RTRAF: variants seen among roughly 807,000 people sequenced by gnomAD.
RTRAF encodes the protein tRNA-splicing ligase complex subunit RTRAF.
In RTRAF, 14 loss-of-function variants were observed where a neutral mutation model predicts 34.4. The observed-to-expected ratio is 0.41, with a 90% CI of 0.27 to 0.64. RTRAF has a LOEUF of 0.64. Ranked by LOEUF, RTRAF falls within the 30% of genes least tolerant of loss-of-function variation. The pLI is 0.34. For missense variants in RTRAF, 291 were observed against 288.4 expected, an observed-to-expected ratio of 1.01 and a Z score of -0.06; for synonymous variants, 96 against 95.3, an observed-to-expected ratio of 1.01 and a Z score of -0.04.
At chr14:51,995,504 A>G (rs1167106682) in intron 3 of RTRAF, among the ~76,000 whole-genome samples, 1 of 152,052 alleles carries the variant, frequency 6.6e-6, no homozygotes, top group African/African-American at 2.4e-5. Context: ...TAATTTTATC[A>G]TATTTGCAAA....
At position 52,010,579 on chromosome 14, in the gene RTRAF, C is replaced by T; in HGVS notation, c.*6063C>T. 1 of 232,666 alleles carries T rather than the reference C, an allele frequency of 4.3e-6. No individual in the cohort carries two copies. The highest frequency in any genetic ancestry group is 8.7e-5 in the East Asian group (1 of 11,518). 14.4% of individuals were successfully genotyped at this position (232,666 alleles called of 1,614,324 possible). ...TGAGGCCTCGCCTGATCATTTGATTCAGAGTAGCCCTAGTTCTCACAACAC... is the reference window on the plus strand; with the variant it reads ...TGAGGCCTCGCCTGATCATTTGATTTAGAGTAGCCCTAGTTCTCACAACAC... On this transcript the variant is annotated 3_prime_UTR_variant, in exon 8 of 8. Coordinates refer to ENST00000261700, the MANE Select transcript of RTRAF (RefSeq NM_016039.3).
chr14:52,008,168 C>T lies in RTRAF; in HGVS notation c.*3652C>T, dbSNP rs530414326. 11 of 458,076 alleles carry T rather than the reference C, an allele frequency of 2.4e-5. No homozygotes were observed. Among genetic ancestry groups the T allele is most frequent in the African/African-American group, 4.0e-5 (2 of 49,678 alleles). The allele number at this position is 458,076 out of a possible 1,614,324, so 28.4% of individuals were successfully genotyped here. On this transcript the variant is annotated 3_prime_UTR_variant, in exon 8 of 8. Coordinates refer to ENST00000261700, the MANE Select transcript of RTRAF (RefSeq NM_016039.3). ...GTGATAGGCTATCACTGCCGATATT[C>T]GGTCTCAAAAAACTGGTTTCTGCCT... is the stretch of plus-strand genomic sequence containing the variant.
rs1232018852 is a variant in RTRAF, at chr14:52,010,247, G to T, written c.*5731G>T. 6.6e-6 allele frequency: 1 copy of T among 152,196 alleles called. No homozygotes were observed. Among genetic ancestry groups the T allele is most frequent in the African/African-American group, 2.4e-5 (1 of 41,450 alleles). 9.4% of individuals were successfully genotyped at this position (152,196 alleles called of 1,614,324 possible). On this transcript the variant is annotated 3_prime_UTR_variant, in exon 8 of 8. Coordinates refer to ENST00000261700, the MANE Select transcript of RTRAF (RefSeq NM_016039.3). ...TTCTTTACTGATTTGAAGGGCATCT[G>T]GGAATTTCATTTCGTAGAAACTCCA...
In RTRAF at chr14:52,004,826, A is replaced by ATTGGAGTAATCT. The variant is rs1442878701; in HGVS notation, c.*311_*322dup. 1 of 217,630 alleles carries ATTGGAGTAATCT rather than the reference A, an allele frequency of 4.6e-6. No homozygotes were observed. The highest frequency in any genetic ancestry group is 9.6e-5 in the East Asian group (1 of 10,402). 13.5% of individuals were successfully genotyped at this position (217,630 alleles called of 1,614,324 possible). ...GTCATAGGAAAACTTAAAACACTTTATTGGAGTAATCTAGAAAATTTTAAA... is the reference window on the plus strand; with the variant it reads ...GTCATAGGAAAACTTAAAACACTTTATTGGAGTAATCTTTGGAGTAATCTAGAAAATTTTAAA... On this transcript the variant is annotated 3_prime_UTR_variant, in exon 8 of 8. Transcript: ENST00000261700.
In RTRAF at chr14:52,008,618, A is replaced by G. The variant is rs1326485677; in HGVS notation, c.*4102A>G. On this transcript the variant is annotated 3_prime_UTR_variant, in exon 8 of 8. Coordinates refer to ENST00000261700, the MANE Select transcript of RTRAF (RefSeq NM_016039.3). ...TCACTATGTGGGAGAAGTCATTACT[A>G]AGTTACTATCAGAATCCCTGCCTCC... The G allele has an allele frequency of 6.6e-6, 1 of 152,210 alleles. No homozygotes were observed. Among genetic ancestry groups the G allele is most frequent in the Non-Finnish European group, 1.5e-5 (1 of 68,044 alleles). The allele number at this position is 152,210 out of a possible 1,614,324, so 9.4% of individuals were successfully genotyped here.
chr14:51,998,590 T>C lies in RTRAF; in HGVS notation c.373+10T>C, dbSNP rs1368444898. On this transcript the variant is annotated intron_variant, in intron 4 of 7. Coordinates refer to ENST00000261700, the MANE Select transcript of RTRAF (RefSeq NM_016039.3). Reference sequence around the variant, plus strand: ...TTGATCAATTTGGATGGTGAGTATATAAATGCATAACATTGAACATCAACA... The same window carrying C: ...TTGATCAATTTGGATGGTGAGTATACAAATGCATAACATTGAACATCAACA... 2 of 1,540,672 alleles carry C rather than the reference T, an allele frequency of 1.3e-6. No homozygotes were observed. The highest frequency in any genetic ancestry group is 1.9e-5 in the Admixed American group (1 of 52,608).
intron 5 of RTRAF, among the ~76,000 whole-genome samples, chr14:52,001,399 C>CA (rs143139486): frequency 6.6e-6 from 1 of 152,084 alleles, no homozygotes; most frequent in East Asian, 1.9e-4. Flanking sequence ...CCCTTTGTGT[C>CA]AAAAATGTGT....
At position 52,005,925 on chromosome 14, in the gene RTRAF, A is replaced by G; in HGVS notation, c.*1409A>G. 1 of 1,134,576 alleles carries G rather than the reference A, an allele frequency of 8.8e-7. No homozygotes were observed. The highest frequency in any genetic ancestry group is 1.8e-5 in the Admixed American group (1 of 56,734). 70.3% of individuals were successfully genotyped at this position (1,134,576 alleles called of 1,614,324 possible). ...AGAAGTCAGTCAGCCACAGAAAATC[A>G]GTTGCAATAGAGGAAAATTTCTGGC... On this transcript the variant is annotated 3_prime_UTR_variant, in exon 8 of 8. Transcript: ENST00000261700.
At chr14:51,991,257 C>G in intron 1 of RTRAF, 60 bp from the exon 2 acceptor site, 1 of 1,522,272 alleles carries the variant, frequency 6.6e-7, no homozygotes, top group Non-Finnish European at 9.0e-7. Flanking sequence ...GAACATATAC[C>G]TGAGAAGGAG....
Position 51,998,573 on chromosome 14 carries a change from T to A in RTRAF, c.366T>A (p.Asn122Lys). Residue 122 changes from asparagine (N) to lysine (K), a missense_variant, in exon 4 of 8, where the codon AAT becomes AAA. By Grantham distance (94) the Asn-to-Lys change is moderately conservative. Transcript: ENST00000261700. ...CTAAAAATGCAGAACCATTGATCAA[T>A]TTGGATGGTGAGTATATAAATGCAT... ...NATKNAEPLINLDVNNPDFKA... is the reference protein window; with the variant it reads ...NATKNAEPLIKLDVNNPDFKA... The A allele has an allele frequency of 6.3e-7, 1 of 1,587,356 alleles. No individual in the cohort carries two copies.
chr14:52,005,404 A>C lies in RTRAF; in HGVS notation c.*888A>C. The C allele has an allele frequency of 7.4e-7, 1 of 1,358,302 alleles. No individual in the cohort carries two copies. The highest frequency in any genetic ancestry group is 9.8e-7 in the Non-Finnish European group (1 of 1,016,676). 84.1% of individuals were successfully genotyped at this position (1,358,302 alleles called of 1,614,324 possible). ...ACGTCTAATGGCCAATTCCTTTTTT[A>C]CTTTCTTTGCCTTTGCAGTCACTGT... On this transcript the variant is annotated 3_prime_UTR_variant, in exon 8 of 8. Coordinates refer to ENST00000261700, the MANE Select transcript of RTRAF (RefSeq NM_016039.3).
chr14:52,003,914 A>C, intron 6 of RTRAF: 1 of 381,028 alleles, frequency 2.6e-6, no homozygotes, highest in Non-Finnish European at 4.7e-6. Flanking sequence ...CTGCTGCAAT[A>C]AGGATATATT....
rs766858321 is a variant in RTRAF, at chr14:51,998,519, T to C, written c.312T>C (p.Pro104=). 1 of 1,588,238 alleles carries C rather than the reference T, an allele frequency of 6.3e-7. No homozygotes were observed. The highest frequency in any genetic ancestry group is 1.1e-5 in the South Asian group (1 of 87,610). ...CTGAAAAATACAAGGATTTAGTACC[T>C]GATAATTCAAAAACTGCTGACAATG... ...DNAEKYKDLV[P]DNSKTADNAT... is the part of the protein sequence containing the mutation. Residue 104 remains proline, a synonymous_variant, in exon 4 of 8, where the codon CCT becomes CCC. Transcript: ENST00000261700.
chr14:51,998,103 C>G lies in RTRAF; in HGVS notation c.287-391C>G, dbSNP rs539377375. On this transcript the variant is annotated intron_variant, in intron 3 of 7. Coordinates refer to ENST00000261700, the MANE Select transcript of RTRAF (RefSeq NM_016039.3). ...CATCCCTAATCCGAGAATCTGAAAT[C>G]CTAAATGCTCCAAAATCCAAAACTT... The G allele has an allele frequency of 2.7e-4, 42 of 155,516 alleles. 1 individual carries two copies. In the South Asian group the frequency reaches 8.5e-3, roughly 32 times the overall value. 9.6% of individuals were successfully genotyped at this position (155,516 alleles called of 1,614,324 possible). A position where few individuals can be genotyped will look rare whatever the true frequency, so the allele number is the denominator to read the frequency against.
intron 2 of RTRAF, among the ~76,000 whole-genome samples, chr14:51,991,768 T>C (rs1273918581): frequency 3.9e-5 from 6 of 152,196 alleles, no homozygotes; most frequent in East Asian, 3.9e-4. Context: ...CTATTTCTTA[T>C]ATTAAAAGAA....
chr14:52,000,487 A>G (rs1232073888), intron 5 of RTRAF, among the ~76,000 whole-genome samples: 2 of 152,134 alleles, frequency 1.3e-5, no homozygotes, highest in Non-Finnish European at 2.9e-5. Flanking sequence ...CCAGACTTGG[A>G]AATTTTATAA....
chr14:52,005,887 ATTTACTAGATAAAGAAG>A lies in RTRAF; in HGVS notation c.*1373_*1389del, dbSNP rs760995146. ...AGGAAGAGTGAATTCAGGGACAGTC[ATTTACTAGATAAAGAAG>A]TCAGTCAGCCACAGAAAATCAGTTG... On this transcript the variant is annotated 3_prime_UTR_variant, in exon 8 of 8. Coordinates refer to ENST00000261700, the MANE Select transcript of RTRAF (RefSeq NM_016039.3). 7.0e-6 allele frequency: 10 copies of A among 1,438,232 alleles called. 1 individual carries two copies. In the South Asian group the frequency reaches 1.0e-4, roughly 15 times the overall value. The allele number at this position is 1,438,232 out of a possible 1,614,324, so 89.1% of individuals were successfully genotyped here.
chr14:52,006,539 C>A lies in RTRAF; in HGVS notation c.*2023C>A. The A allele has an allele frequency of 6.2e-7, 1 of 1,613,566 alleles. No individual in the cohort carries two copies. Among genetic ancestry groups the A allele is most frequent in the South Asian group, 1.1e-5 (1 of 91,064 alleles). On this transcript the variant is annotated 3_prime_UTR_variant, in exon 8 of 8. Coordinates refer to ENST00000261700, the MANE Select transcript of RTRAF (RefSeq NM_016039.3). The stretch of plus-strand genomic sequence containing the variant: ...TGTCCAGAATTTGTGGGGCTCACCT[C>A]CTCCAGTCTGTGTGGTAGAAGTGAT...
At chr14:52,000,006 A>AT in intron 5 of RTRAF, 1 of 449,214 alleles carries the variant, frequency 2.2e-6, no homozygotes, top group East Asian at 3.2e-5. Context: ...AGATGTTCTC[A>AT]TTCAATCCTG....
Sources: gnomAD v4.1 joint callset for allele counts (sites outside exome capture counted in the v4.1 genomes callset) on GRCh38, gnomAD v4.1.1 for gene constraint, MANE v1.5 for transcripts, NCBI Gene and HGNC (gene_info 2026-07-23, HGNC 2026-07-21) for gene names.